ZNF678: variants seen among roughly 807,000 people sequenced by gnomAD.
ZNF678 encodes the protein hypothetical protein MGC42493.
In ZNF678, 5 loss-of-function variants were observed where a neutral mutation model predicts 3.0. The ratio of observed to expected loss-of-function variants is 1.69; its 90% confidence interval spans 0.88 to 3.56. ZNF678 has a LOEUF of 3.56. Ranked by LOEUF, ZNF678 falls within the 30% of genes most tolerant of loss-of-function variation. The pLI is 0.00. For synonymous variants in ZNF678, 218 were observed against 199.6 expected (o/e 1.09, Z -0.78); for missense variants, 593 against 605.0 (o/e 0.98, Z 0.21).
chr1:227,642,367 G>A (rs1658842442), intron 1 of ZNF678, among the ~76,000 whole-genome samples: 1 of 152,202 alleles, frequency 6.6e-6, no homozygotes, highest in Non-Finnish European at 1.5e-5. Flanking sequence ...GGAGAGTAAA[G>A]CCTACCTTCA....
At chr1:227,642,378 G>T (rs1318786242) in intron 1 of ZNF678, among the ~76,000 whole-genome samples, 1 of 152,192 alleles carries the variant, frequency 6.6e-6, no homozygotes, top group Non-Finnish European at 1.5e-5. Context: ...CCTACCTTCA[G>T]CAGGACCTGG....
chr1:227,677,826 ACT>A (rs1437294180), downstream of ZNF678, among the ~76,000 whole-genome samples: 2 of 152,216 alleles, frequency 1.3e-5, no homozygotes, highest in South Asian at 2.1e-4. Context: ...AGAATAGGTA[ACT>A]CTGAGCTGGA....
chr1:227,628,893 C>G (rs1208866416), intron 1 of ZNF678, among the ~76,000 whole-genome samples: 1 of 152,078 alleles, frequency 6.6e-6, no homozygotes, highest in African/African-American at 2.4e-5. Flanking sequence ...TCTTCAAAGG[C>G]AAACAAGAAT....
At chr1:227,607,764 A>G (rs115241368) in intron 1 of ZNF678, among the ~76,000 whole-genome samples, 11,359 of 145,302 alleles carry the variant, frequency 0.078, 559 homozygotes, top group Middle Eastern at 0.18. Context: ...CATTTATTAT[A>G]TATTGTATAT....
intron 1 of ZNF678, among the ~76,000 whole-genome samples, chr1:227,584,534 A>C (rs1657209981): frequency 6.6e-6 from 1 of 152,248 alleles, no homozygotes; most frequent in South Asian, 2.1e-4. Context: ...CACTATTTAC[A>C]AATTACATGT....
intron 1 of ZNF678, among the ~76,000 whole-genome samples, chr1:227,595,236 C>G (rs753890298): frequency 6.7e-6 from 1 of 149,540 alleles, no homozygotes; most frequent in African/African-American, 2.5e-5. Context: ...CTTTGACTTT[C>G]CTTTTGCCTC....
chr1:227,664,073 C>T (rs1659461506), downstream of ZNF678, among the ~76,000 whole-genome samples: 1 of 152,128 alleles, frequency 6.6e-6, no homozygotes, highest in Non-Finnish European at 1.5e-5. Context: ...TGGTTGTCAT[C>T]ACGGGGACAC....
chr1:227,624,914 G>A (rs1403138089), intron 1 of ZNF678, among the ~76,000 whole-genome samples: 1 of 152,158 alleles, frequency 6.6e-6, no homozygotes, highest in East Asian at 1.9e-4. Flanking sequence ...TGAAAGCTCA[G>A]CTCGAGCCGC....
At chr1:227,640,997 A>T (rs1658806475) in intron 1 of ZNF678, among the ~76,000 whole-genome samples, 1 of 152,254 alleles carries the variant, frequency 6.6e-6, no homozygotes, top group African/African-American at 2.4e-5. Context: ...TCTTGGACCA[A>T]CGTTGGATTT....
intron 1 of ZNF678, among the ~76,000 whole-genome samples, chr1:227,578,341 G>C (rs1657038921): frequency 1.3e-5 from 2 of 152,162 alleles, no homozygotes; most frequent in South Asian, 4.1e-4. Flanking sequence ...TTTCCAACTT[G>C]CTTTCATTCT....
At chr1:227,596,459 C>A (rs1312837776) in intron 1 of ZNF678, among the ~76,000 whole-genome samples, 1 of 152,188 alleles carries the variant, frequency 6.6e-6, no homozygotes, top group Non-Finnish European at 1.5e-5. Context: ...TTTTACAATG[C>A]TCTTCCATAC....
intron 1 of ZNF678, among the ~76,000 whole-genome samples, chr1:227,588,552 T>C (rs1657324563): frequency 1.4e-5 from 2 of 146,384 alleles, no homozygotes; most frequent in Non-Finnish European, 3.0e-5. Flanking sequence ...CAGGCTGGAA[T>C]ATAATGGCAT....
chr1:227,586,030 A>G (rs1278763880), intron 1 of ZNF678, among the ~76,000 whole-genome samples: 3 of 152,110 alleles, frequency 2.0e-5, no homozygotes, highest in Admixed American at 6.5e-5. Context: ...TTTCAGCAAT[A>G]AAAAATGATG....
At position 227,563,608 on chromosome 1, in the gene ZNF678, C is replaced by T. The variant is rs563929959; in HGVS notation, c.-280C>T. The T allele has an allele frequency of 1.5e-4, 168 of 1,116,582 alleles. No homozygotes were observed. The highest frequency in any genetic ancestry group is 6.2e-4 in the Admixed American group (27 of 43,402). The allele number at this position is 1,116,582 out of a possible 1,614,324, so 69.2% of individuals were successfully genotyped here. A position where few individuals can be genotyped will look rare whatever the true frequency, so the allele number is the denominator to read the frequency against. ...TGGTCCCGTATTCTCGGCTATTTAT[C>T]CCCAGCTGCGGGAGGCCCTGGTGAC... On this transcript the variant is annotated 5_prime_UTR_variant, in exon 1 of 4. Transcript: ENST00000343776.
intron 1 of ZNF678, among the ~76,000 whole-genome samples, chr1:227,592,425 ACTGGCCTT>A (rs1657440354): frequency 6.6e-6 from 1 of 152,234 alleles, no homozygotes; most frequent in African/African-American, 2.4e-5. Flanking sequence ...GAGATAGGCC[ACTGGCCTT>A]GGCCAGGGCC....
chr1:227,587,562 CA>C (rs1657294241), intron 1 of ZNF678, among the ~76,000 whole-genome samples: 1 of 152,142 alleles, frequency 6.6e-6, no homozygotes, highest in Admixed American at 6.5e-5. Flanking sequence ...GTGTCAAGAA[CA>C]TTTTGAGATA....
intron 3 of ZNF678, among the ~76,000 whole-genome samples, chr1:227,652,236 T>A (rs1659108742): frequency 6.6e-6 from 1 of 152,194 alleles, no homozygotes; most frequent in Non-Finnish European, 1.5e-5. Context: ...GTTGTTGACA[T>A]ATAATGTACT....
intron 5 of ZNF678, among the ~76,000 whole-genome samples, chr1:227,667,805 A>G (rs1558163827): frequency 6.6e-6 from 1 of 152,216 alleles, no homozygotes; most frequent in Non-Finnish European, 1.5e-5. Context: ...CTCCTAATGG[A>G]TCAGAGAATT....
intron 1 of ZNF678, among the ~76,000 whole-genome samples, chr1:227,583,350 T>C (rs1450359870): frequency 1.3e-5 from 2 of 150,558 alleles, no homozygotes; most frequent in Non-Finnish European, 3.0e-5. Context: ...TTTTTCTTTT[T>C]TCTTTTTTTT....
Sources: gnomAD v4.1 joint callset for allele counts (sites outside exome capture counted in the v4.1 genomes callset) on GRCh38, gnomAD v4.1.1 for gene constraint, MANE v1.5 for transcripts, NCBI Gene and HGNC (gene_info 2026-07-23, HGNC 2026-07-21) for gene names.